NALF1: variants seen among roughly 807,000 people sequenced by gnomAD.
The protein encoded by NALF1 is NALCN channel auxiliary factor 1.
NALF1 carries 3 observed loss-of-function variants against 48.4 expected under a neutral mutation model. The observed-to-expected ratio is 0.06, with a 90% CI of 0.03 to 0.16. The LOEUF is 0.16. NALF1 is among the 10% of genes least tolerant of loss of function. The pLI, the probability that NALF1 is intolerant of heterozygous loss-of-function variation, is 1.00. For synonymous variants in NALF1, 262 were observed against 245.7 expected (o/e 1.07, Z -0.62); for missense variants, 526 against 571.5 (o/e 0.92, Z 0.81).
At chr13:107,569,338 G>A (rs1877910820) in intron 1 of NALF1, among the ~76,000 whole-genome samples, 1 of 152,110 alleles carries the variant, frequency 6.6e-6, no homozygotes, top group East Asian at 1.9e-4. Context: ...CAGGCGTGGT[G>A]GTGGGTGCTT....
At chr13:107,595,940 T>C (rs1036267434) in intron 1 of NALF1, among the ~76,000 whole-genome samples, 2 of 152,108 alleles carry the variant, frequency 1.3e-5, no homozygotes, top group South Asian at 2.1e-4. Context: ...GGGGCTCCAA[T>C]TGGTATATTT....
intron 1 of NALF1, among the ~76,000 whole-genome samples, chr13:107,730,472 T>G (rs1876278746): frequency 6.6e-6 from 1 of 152,232 alleles, no homozygotes; most frequent in Non-Finnish European, 1.5e-5. Context: ...GACTTTAATT[T>G]ACTATAATGC....
chr13:107,442,106 A>T (rs1378674656), intron 1 of NALF1, among the ~76,000 whole-genome samples: 1 of 152,128 alleles, frequency 6.6e-6, no homozygotes, highest in Admixed American at 6.5e-5. Context: ...TAGAGCTTTA[A>T]GTGCCTGGTG....
chr13:107,424,050 C>A lies in NALF1; in HGVS notation c.916-213295G>T, dbSNP rs114454685. ...GAAGCAATTACTACCGGGATGTTTG[C>A]TAAGTGTGACTTTCTATTTCAATAA... On this transcript the variant is annotated intron_variant, in intron 1 of 2. Coordinates refer to ENST00000375915, the MANE Select transcript of NALF1 (RefSeq NM_001080396.3). 5.8e-3 allele frequency among the ~76,000 whole-genome samples: 876 copies of A among 152,018 alleles called. 6 individuals are homozygous for A. The highest frequency in any genetic ancestry group is 0.02 in the African/African-American group (826 of 41,480).
Position 107,315,462 on chromosome 13 carries a change from C to G in NALF1, c.916-104707G>C, listed in dbSNP as rs117401757. ...TTCTCTTACTGACTTGGAAAGTCTT[C>G]TATAATCTACCTTCAGTGCTTTCTC... On this transcript the variant is annotated intron_variant, in intron 1 of 2. Transcript: ENST00000375915. Among the ~76,000 whole-genome samples, 36 of 152,182 alleles carry G rather than the reference C, an allele frequency of 2.4e-4. No individual in the cohort carries two copies. The East Asian group carries it at 6.2e-3, about 26-fold the overall frequency.
rs1704921133 is a variant in NALF1, at chr13:107,654,010, C to T, written c.915+211672G>A. 2.6e-5 allele frequency among the ~76,000 whole-genome samples: 4 copies of T among 151,820 alleles called. No homozygotes were observed. The South Asian group carries it at 8.3e-4, about 31-fold the overall frequency. ...GTGACTAATAAATCAAAACCCAAAT[C>T]CATCAGAAGGAAGGAAATAATGAAG... On this transcript the variant is annotated intron_variant, in intron 1 of 2. Transcript: ENST00000375915.
chr13:107,729,857 A>G (rs935800182), intron 1 of NALF1, among the ~76,000 whole-genome samples: 56 of 152,208 alleles, frequency 3.7e-4, no homozygotes, highest in African/African-American at 1.2e-3. Flanking sequence ...GTGGCCACAT[A>G]CAGTTAGTTA....
chr13:107,492,017 T>C (rs1875145855), intron 1 of NALF1, among the ~76,000 whole-genome samples: 1 of 150,736 alleles, frequency 6.6e-6, no homozygotes, highest in Admixed American at 6.6e-5. Flanking sequence ...GTTTCATTTT[T>C]ACAAGCCTGT....
chr13:107,336,877 A>T (rs1006387897), intron 1 of NALF1, among the ~76,000 whole-genome samples: 5 of 152,130 alleles, frequency 3.3e-5, no homozygotes, highest in African/African-American at 4.8e-5. Flanking sequence ...ACATCTTTTG[A>T]AGTGGCTGTT....
At chr13:107,537,769 G>A (rs1404038716) in intron 1 of NALF1, among the ~76,000 whole-genome samples, 1 of 152,124 alleles carries the variant, frequency 6.6e-6, no homozygotes, top group African/African-American at 2.4e-5. Flanking sequence ...TATAATCCCA[G>A]CACTTTGGGA....
chr13:107,347,137 A>C (rs1465511529), intron 1 of NALF1, among the ~76,000 whole-genome samples: 1 of 152,214 alleles, frequency 6.6e-6, no homozygotes, highest in Non-Finnish European at 1.5e-5. Context: ...CAAGGTACCC[A>C]CAAGCGCCAT....
chr13:107,238,726 T>C (rs1880404503), intron 1 of NALF1, among the ~76,000 whole-genome samples: 1 of 152,112 alleles, frequency 6.6e-6, no homozygotes, highest in South Asian at 2.1e-4. Context: ...GCTGATAATA[T>C]CAAATAACTA....
intron 1 of NALF1, among the ~76,000 whole-genome samples, chr13:107,273,231 G>A (rs1167251538): frequency 6.6e-6 from 1 of 152,174 alleles, no homozygotes; most frequent in African/African-American, 2.4e-5. Flanking sequence ...GTTTCCCCAA[G>A]TCCATACCAA....
At chr13:107,254,039 A>T in intron 1 of NALF1, among the ~76,000 whole-genome samples, 1 of 151,660 alleles carries the variant, frequency 6.6e-6, no homozygotes, top group East Asian at 1.9e-4. Flanking sequence ...TTTATAACAG[A>T]TGTTTAAGGG....
chr13:107,807,735 T>C (rs1345276136), intron 1 of NALF1, among the ~76,000 whole-genome samples: 1 of 152,162 alleles, frequency 6.6e-6, no homozygotes, highest in Non-Finnish European at 1.5e-5. Flanking sequence ...TCAGGCTTCA[T>C]TTAGTTTATT....
At chr13:107,555,558 G>A (rs1877444420) in intron 1 of NALF1, among the ~76,000 whole-genome samples, 1 of 147,550 alleles carries the variant, frequency 6.8e-6, no homozygotes, top group Non-Finnish European at 1.5e-5. Context: ...GCCTCCCAAA[G>A]TGATGAGATT....
At chr13:107,812,689 G>A (rs1879032641) in intron 1 of NALF1, among the ~76,000 whole-genome samples, 2 of 152,074 alleles carry the variant, frequency 1.3e-5, no homozygotes, top group South Asian at 4.1e-4. Flanking sequence ...TCAAGCCATG[G>A]AGTCTGTTTT....
rs534211996 is a variant in NALF1, at chr13:107,848,594, G to C, written c.915+17088C>G. Among the ~76,000 whole-genome samples the C allele has an allele frequency of 1.6e-4, 24 of 152,262 alleles. No homozygotes were observed. The South Asian group carries it at 4.6e-3, about 29-fold the overall frequency. ...CATGTGGACAAACAGTAACACATAT[G>C]AGTATAATTCAATGAAAAATGCAAA... On this transcript the variant is annotated intron_variant, in intron 1 of 2. Coordinates refer to ENST00000375915, the MANE Select transcript of NALF1 (RefSeq NM_001080396.3).
At chr13:107,680,609 C>A (rs1881269026) in intron 1 of NALF1, among the ~76,000 whole-genome samples, 1 of 151,238 alleles carries the variant, frequency 6.6e-6, no homozygotes, top group Admixed American at 6.6e-5. Flanking sequence ...TATGTGTGCA[C>A]GAGTGAGGGT....
Sources: allele counts gnomAD v4.1 joint callset (sites outside exome capture counted in the v4.1 genomes callset), GRCh38; gene constraint gnomAD v4.1.1; transcripts MANE v1.5; gene names NCBI Gene and HGNC (gene_info 2026-07-23, HGNC 2026-07-21).